NELL1: variants seen among roughly 807,000 people sequenced by gnomAD.
NELL1 encodes the protein neural EGFL like 1, also known as protein kinase C-binding protein NELL1.
A neutral mutation model predicts 107.4 loss-of-function variants in NELL1; 76 were observed. That is an observed-to-expected ratio of 0.71 (90% CI 0.59 to 0.86). The LOEUF is 0.86. NELL1 is among the 40% of genes least tolerant of loss of function. The pLI, the probability that NELL1 is intolerant of heterozygous loss-of-function variation, is 0.00. For missense variants in NELL1, 1,024 were observed against 1,005.5 expected (o/e 1.02, Z -0.25); for synonymous variants, 353 against 341.2 (o/e 1.03, Z -0.38).
intron 9 of NELL1, 23 bp from the exon 10 acceptor site, chr11:20,937,763 C>T: frequency 6.3e-7 from 1 of 1,599,088 alleles, no homozygotes; most frequent in Non-Finnish European, 8.6e-7. Context: ...GACTGTCTGA[C>T]CCATTTTTAT....
intron 15 of NELL1, among the ~76,000 whole-genome samples, chr11:21,454,050 G>T (rs1456718644): frequency 6.9e-6 from 1 of 145,044 alleles, no homozygotes; most frequent in East Asian, 2.0e-4. Context: ...CTAGCATTAG[G>T]TATATCTCCC....
At chr11:21,306,184 C>T (rs952043516) in intron 14 of NELL1, among the ~76,000 whole-genome samples, 1 of 152,022 alleles carries the variant, frequency 6.6e-6, no homozygotes, top group East Asian at 1.9e-4. Context: ...CAGAATTCTA[C>T]GTACACAAAA....
intron 15 of NELL1, among the ~76,000 whole-genome samples, chr11:21,475,092 G>A (rs935111460): frequency 2.0e-5 from 3 of 151,902 alleles, no homozygotes; most frequent in African/African-American, 4.8e-5. Context: ...CTGCATATGC[G>A]AAAAACAAAA....
At chr11:21,390,830 A>G (rs1851858544) in intron 15 of NELL1, among the ~76,000 whole-genome samples, 1 of 151,822 alleles carries the variant, frequency 6.6e-6, no homozygotes, top group Non-Finnish European at 1.5e-5. Context: ...TTATAATGTT[A>G]ATTCCATGAA....
chr11:21,448,869 A>G (rs1221069938), intron 15 of NELL1, among the ~76,000 whole-genome samples: 2 of 152,188 alleles, frequency 1.3e-5, no homozygotes, highest in African/African-American at 2.4e-5. Context: ...TCTAGATTGT[A>G]TATGTTTTGC....
chr11:20,859,192 T>C (rs1848934142), intron 4 of NELL1, among the ~76,000 whole-genome samples: 2 of 152,196 alleles, frequency 1.3e-5, no homozygotes, highest in African/African-American at 4.8e-5. Context: ...GGCATGCACC[T>C]CCAGCTTCCG....
At chr11:21,416,914 CATG>C (rs1366733357) in intron 15 of NELL1, among the ~76,000 whole-genome samples, 1 of 151,966 alleles carries the variant, frequency 6.6e-6, no homozygotes, top group African/African-American at 2.4e-5. Flanking sequence ...GTCTCAAGTT[CATG>C]ATGATGATTA....
intron 4 of NELL1, among the ~76,000 whole-genome samples, chr11:20,882,614 C>T (rs189590690): frequency 6.6e-6 from 1 of 152,184 alleles, no homozygotes; most frequent in Non-Finnish European, 1.5e-5. Flanking sequence ...TGACCCTCTA[C>T]CCCTAAATAC....
chr11:20,981,604 T>G (rs910720390), intron 12 of NELL1, among the ~76,000 whole-genome samples: 61 of 152,162 alleles, frequency 4.0e-4, no homozygotes, highest in African/African-American at 1.5e-3. Flanking sequence ...TGTGAATAGT[T>G]TGCAAAAATC....
At chr11:21,522,350 G>T (rs537106572) in intron 15 of NELL1, among the ~76,000 whole-genome samples, 2 of 152,266 alleles carry the variant, frequency 1.3e-5, no homozygotes, top group Admixed American at 1.3e-4. Flanking sequence ...TAAAGAAAAT[G>T]TGTTAGATAT....
intron 14 of NELL1, among the ~76,000 whole-genome samples, chr11:21,357,011 C>T (rs562560584): frequency 1.3e-5 from 2 of 152,302 alleles, no homozygotes; most frequent in South Asian, 4.1e-4. Context: ...GAGTATTATT[C>T]CATGCTGTAT....
intron 14 of NELL1, among the ~76,000 whole-genome samples, chr11:21,354,873 C>T (rs1380488388): frequency 6.6e-6 from 1 of 152,086 alleles, no homozygotes; most frequent in Non-Finnish European, 1.5e-5. Context: ...TAGACTGTGA[C>T]CTCCAGGGCT....
intron 13 of NELL1, among the ~76,000 whole-genome samples, chr11:21,151,099 G>T (rs1254849833): frequency 1.3e-5 from 2 of 152,122 alleles, no homozygotes; most frequent in African/African-American, 4.8e-5. Context: ...CAAGACTGAA[G>T]ATCATAATTT....
At chr11:20,875,227 T>G (rs975920256) in intron 4 of NELL1, among the ~76,000 whole-genome samples, 2 of 152,206 alleles carry the variant, frequency 1.3e-5, no homozygotes, top group African/African-American at 4.8e-5. Context: ...AGATCTCACA[T>G]TCTGTTTTTA....
chr11:21,052,151 A>G (rs1481852249), intron 12 of NELL1, among the ~76,000 whole-genome samples: 1 of 152,036 alleles, frequency 6.6e-6, no homozygotes, highest in Admixed American at 6.6e-5. Flanking sequence ...ATGCCACAAG[A>G]CAAGAATGAA....
At chr11:21,114,702 C>T (rs889867523) in intron 13 of NELL1, among the ~76,000 whole-genome samples, 1 of 151,910 alleles carries the variant, frequency 6.6e-6, no homozygotes, top group Non-Finnish European at 1.5e-5. Context: ...CAGATTGACA[C>T]AGGTTTCTGA....
intron 4 of NELL1, among the ~76,000 whole-genome samples, chr11:20,873,219 G>T (rs1366501126): frequency 6.6e-6 from 1 of 152,102 alleles, no homozygotes; most frequent in Non-Finnish European, 1.5e-5. Flanking sequence ...GGAAAAGATG[G>T]GACCGACGAC....
intron 14 of NELL1, among the ~76,000 whole-genome samples, chr11:21,342,969 T>C (rs1023661418): frequency 2.0e-5 from 3 of 152,148 alleles, no homozygotes; most frequent in Admixed American, 2.0e-4. Flanking sequence ...TTTGTTGTTC[T>C]TCTTTTAATA....
chr11:20,699,226 CA>C (rs375071371), intron 2 of NELL1, among the ~76,000 whole-genome samples: 4 of 151,370 alleles, frequency 2.6e-5, no homozygotes, highest in South Asian at 4.2e-4. Flanking sequence ...CAAAAACAAA[CA>C]AAAAAAACAA....
Sources: allele counts gnomAD v4.1 joint callset (sites outside exome capture counted in the v4.1 genomes callset), GRCh38; gene constraint gnomAD v4.1.1; transcripts MANE v1.5; gene names NCBI Gene and HGNC (gene_info 2026-07-23, HGNC 2026-07-21).